UNC79: variants seen among roughly 807,000 people sequenced by gnomAD.
UNC79 encodes the protein protein unc-79 homolog.
In UNC79, 37 loss-of-function variants were observed where a neutral mutation model predicts 283.1. That is an observed-to-expected ratio of 0.13 (90% CI 0.10 to 0.17). The LOEUF is 0.17. Ranked by LOEUF, UNC79 falls within the 10% of genes least tolerant of loss-of-function variation. The pLI is 1.00. For synonymous variants in UNC79, 1,107 were observed against 1,200.2 expected (o/e 0.92, Z 1.61); for missense variants, 2,272 against 3,211.1 (o/e 0.71, Z 7.07).
At chr14:93,658,880 A>G (rs2071239175) in intron 38 of UNC79, among the ~76,000 whole-genome samples, 3 of 152,128 alleles carry the variant, frequency 2.0e-5, no homozygotes, top group Non-Finnish European at 4.4e-5. Context: ...CCATCCATCC[A>G]TCCACCCATC....
At chr14:93,460,260 A>AGCACTTTG (rs1191325583) in intron 1 of UNC79, among the ~76,000 whole-genome samples, 1 of 144,798 alleles carries the variant, frequency 6.9e-6, no homozygotes, top group African/African-American at 2.5e-5. Context: ...CTGTAATCCC[A>AGCACTTTG]GCACTTTGGG....
intron 1 of UNC79, among the ~76,000 whole-genome samples, chr14:93,349,060 C>T (rs2053928605): frequency 6.6e-6 from 1 of 152,158 alleles, no homozygotes; most frequent in Non-Finnish European, 1.5e-5. Flanking sequence ...TGCAGCTTCA[C>T]TCCTGAAGCC....
chr14:93,611,319 A>G (rs1476963949), intron 26 of UNC79, among the ~76,000 whole-genome samples: 1 of 89,324 alleles, frequency 1.1e-5, no homozygotes, highest in Non-Finnish European at 2.9e-5. Flanking sequence ...TCTCTGTATT[A>G]GAGGCTCTTA....
At chr14:93,660,448 A>G (rs1339179799) in intron 39 of UNC79, among the ~76,000 whole-genome samples, 1 of 148,490 alleles carries the variant, frequency 6.7e-6, no homozygotes, top group East Asian at 2.0e-4. Flanking sequence ...TTTTTGACCA[A>G]TAAGGATACA....
chr14:93,706,923 A>C, downstream of UNC79: 1 of 1,613,910 alleles, frequency 6.2e-7, no homozygotes, highest in Non-Finnish European at 8.5e-7. Flanking sequence ...CTCGGCGCTC[A>C]GTGTCAACAC....
chr14:93,423,056 C>T (rs1267303306), intron 1 of UNC79, among the ~76,000 whole-genome samples: 21 of 78,868 alleles, frequency 2.7e-4, no homozygotes, highest in Non-Finnish European at 4.3e-4. Flanking sequence ...GAGCGAGACT[C>T]TGTCTCAAAA....
At chr14:93,568,050 T>C (rs1239375686) in intron 14 of UNC79, among the ~76,000 whole-genome samples, 1 of 152,160 alleles carries the variant, frequency 6.6e-6, no homozygotes, top group Non-Finnish European at 1.5e-5. Flanking sequence ...CCTATCTCAG[T>C]GTGGCAGAGG....
At chr14:93,602,306 A>G (rs763626390) in intron 25 of UNC79, among the ~76,000 whole-genome samples, 4 of 152,140 alleles carry the variant, frequency 2.6e-5, no homozygotes, top group Non-Finnish European at 5.9e-5. Flanking sequence ...ATCCAGTTTC[A>G]TTCTTCTAGA....
At chr14:93,550,680 A>G (rs1225551533) in intron 14 of UNC79, among the ~76,000 whole-genome samples, 2 of 152,192 alleles carry the variant, frequency 1.3e-5, no homozygotes, top group Admixed American at 1.3e-4. Flanking sequence ...TACATGACTC[A>G]GGTCCCATAA....
intron 40 of UNC79, among the ~76,000 whole-genome samples, chr14:93,669,317 C>T (rs1473635000): frequency 6.6e-6 from 1 of 152,134 alleles, no homozygotes; most frequent in Non-Finnish European, 1.5e-5. Flanking sequence ...GGTTATGAGG[C>T]TCAGATCAGG....
chr14:93,584,446 T>A (rs1381539343), intron 20 of UNC79, among the ~76,000 whole-genome samples: 1 of 152,074 alleles, frequency 6.6e-6, no homozygotes, highest in Non-Finnish European at 1.5e-5. Flanking sequence ...AGAACCCAGG[T>A]CTTCTACTTT....
chr14:93,528,403 G>A (rs940282257), intron 8 of UNC79, among the ~76,000 whole-genome samples, 155 bp from the exon 9 acceptor site: 1 of 152,156 alleles, frequency 6.6e-6, no homozygotes, highest in Non-Finnish European at 1.5e-5. Flanking sequence ...GCTAGTCCAG[G>A]GAGAAACATT....
At chr14:93,386,200 A>G (rs1193573667) in intron 1 of UNC79, among the ~76,000 whole-genome samples, 1 of 152,048 alleles carries the variant, frequency 6.6e-6, no homozygotes, top group Non-Finnish European at 1.5e-5. Context: ...AATTTTATCA[A>G]ATGTCTTTTA....
chr14:93,639,592 ATAG>A (rs1251116280), intron 32 of UNC79, among the ~76,000 whole-genome samples: 3 of 152,236 alleles, frequency 2.0e-5, no homozygotes, highest in Non-Finnish European at 4.4e-5. Flanking sequence ...GCTGATAAAC[ATAG>A]TAGTAAAATT....
At chr14:93,553,307 A>T (rs2061992267) in intron 14 of UNC79, among the ~76,000 whole-genome samples, 1 of 152,182 alleles carries the variant, frequency 6.6e-6, no homozygotes, top group African/African-American at 2.4e-5. Context: ...GCATTTCTGG[A>T]AGAAAAGGTC....
chr14:93,503,571 T>A (rs1299628847), intron 7 of UNC79, among the ~76,000 whole-genome samples: 1 of 152,086 alleles, frequency 6.6e-6, no homozygotes, highest in Non-Finnish European at 1.5e-5. Context: ...ATTATTTGTT[T>A]TGATGGTTTT....
chr14:93,610,550 G>A (rs1443942987), intron 26 of UNC79, among the ~76,000 whole-genome samples: 4 of 151,990 alleles, frequency 2.6e-5, no homozygotes, highest in African/African-American at 9.6e-5. Context: ...CCTTCTAGTT[G>A]TAAAGTAATA....
intron 33 of UNC79, among the ~76,000 whole-genome samples, chr14:93,642,517 C>T (rs766742161): frequency 4.0e-5 from 6 of 151,600 alleles, no homozygotes; most frequent in Non-Finnish European, 7.4e-5. Flanking sequence ...ATTGTAATGA[C>T]CTGACAGCCA....
At chr14:93,556,399 G>A (rs1567106986) in intron 14 of UNC79, among the ~76,000 whole-genome samples, 1 of 152,160 alleles carries the variant, frequency 6.6e-6, no homozygotes, top group Non-Finnish European at 1.5e-5. Context: ...ACATTTCTAA[G>A]TAATGCAAAA....
Sources: gnomAD v4.1 joint callset for allele counts (sites outside exome capture counted in the v4.1 genomes callset) on GRCh38, gnomAD v4.1.1 for gene constraint, MANE v1.5 for transcripts, NCBI Gene and HGNC (gene_info 2026-07-23, HGNC 2026-07-21) for gene names.